Variants in DCC observed in about 807,000 individuals in gnomAD.
DCC encodes the protein DCC netrin 1 receptor.
In DCC, 58 loss-of-function variants were observed where a neutral mutation model predicts 172.5. The ratio of observed to expected loss-of-function variants is 0.34; its 90% CI spans 0.27 to 0.42. The LOEUF (loss-of-function observed/expected upper bound fraction) is 0.42, where lower values mean the gene tolerates loss of function less well. DCC is among the 10% of genes least tolerant of loss of function. The pLI, the probability that DCC is intolerant of heterozygous loss-of-function variation, is 1.00. For missense variants in DCC, 1,740 were observed against 1,791.0 expected (o/e 0.97, Z 0.51); for synonymous variants, 709 against 644.5 (o/e 1.10, Z -1.52).
chr18:52,905,656 CA>C (rs1965100114), intron 2 of DCC, among the ~76,000 whole-genome samples: 1 of 152,132 alleles, frequency 6.6e-6, no homozygotes, highest in African/African-American at 2.4e-5. Context: ...TCCATAGGAC[CA>C]GGATTCGGAA....
chr18:52,928,718 C>T (rs2040257014), intron 5 of DCC, among the ~76,000 whole-genome samples: 1 of 152,180 alleles, frequency 6.6e-6, no homozygotes, highest in Non-Finnish European at 1.5e-5. Flanking sequence ...ACCCTCTTGC[C>T]TTCTGTGCTT....
intron 5 of DCC, among the ~76,000 whole-genome samples, chr18:52,946,453 G>A (rs1372707222): frequency 6.6e-6 from 1 of 151,982 alleles, no homozygotes; most frequent in Non-Finnish European, 1.5e-5. Flanking sequence ...CTAAAACTTA[G>A]CAACTTAAAA....
chr18:53,262,207 T>C (rs1322315683), intron 12 of DCC, among the ~76,000 whole-genome samples: 1 of 152,180 alleles, frequency 6.6e-6, no homozygotes, highest in African/African-American at 2.4e-5. Context: ...TACACACTAC[T>C]CTATCCTTCT....
chr18:53,346,558 A>G lies in DCC; in HGVS notation c.2359+6651A>G, dbSNP rs185557744. 2.5e-4 allele frequency among the ~76,000 whole-genome samples: 38 copies of G among 152,122 alleles called. No individual in the cohort carries two copies. In the East Asian group the frequency reaches 7.2e-3, roughly 29 times the overall value. ...ACTGATAAATTCCTTCATTACCTCT[A>G]TCTCATTGTTAGGCTCATATGGTAA... On this transcript the variant is annotated intron_variant, in intron 15 of 28. Coordinates refer to ENST00000442544, the MANE Select transcript of DCC (RefSeq NM_005215.4).
chr18:52,971,500 TGTGTGTGC>T (rs1478366504), intron 5 of DCC, among the ~76,000 whole-genome samples: 1 of 151,566 alleles, frequency 6.6e-6, no homozygotes, highest in East Asian at 2.0e-4. Context: ...GGTGTGCGTG[TGTGTGTGC>T]GCGCACACAC....
chr18:52,721,110 C>T (rs1243714080), intron 1 of DCC, among the ~76,000 whole-genome samples: 1 of 152,132 alleles, frequency 6.6e-6, no homozygotes, highest in Admixed American at 6.5e-5. Context: ...GAGAGGTGGG[C>T]TGGGGCAGAG....
intron 2 of DCC, among the ~76,000 whole-genome samples, chr18:52,768,804 A>G (rs2037295065): frequency 6.6e-6 from 1 of 152,176 alleles, no homozygotes; most frequent in African/African-American, 2.4e-5. Flanking sequence ...TACCCTCTTT[A>G]TACCTTGAAA....
chr18:52,749,526 G>A (rs986883469), intron 1 of DCC, among the ~76,000 whole-genome samples: 1 of 152,176 alleles, frequency 6.6e-6, no homozygotes, highest in Admixed American at 6.5e-5. Context: ...GTTACTTAAA[G>A]CAGTGAGGTG....
At chr18:52,563,998 A>G (rs143236684) in intron 1 of DCC, among the ~76,000 whole-genome samples, 1 of 152,258 alleles carries the variant, frequency 6.6e-6, no homozygotes, top group African/African-American at 2.4e-5. Context: ...TAGCATTCCT[A>G]ATAGTAAAAA....
intron 21 of DCC, among the ~76,000 whole-genome samples, chr18:53,425,315 A>G (rs907288112): frequency 6.7e-6 from 1 of 150,206 alleles, no homozygotes; most frequent in African/African-American, 2.5e-5. Context: ...AACTCTTTGA[A>G]GTGCTCTAAT....
intron 15 of DCC, among the ~76,000 whole-genome samples, chr18:53,384,014 A>T (rs1281759104): frequency 6.6e-6 from 1 of 152,154 alleles, no homozygotes; most frequent in African/African-American, 2.4e-5. Flanking sequence ...ATAATATCAA[A>T]ACATTTAGCC....
intron 19 of DCC, among the ~76,000 whole-genome samples, chr18:53,410,199 G>GAA (rs1909898939): frequency 6.6e-6 from 1 of 152,096 alleles, no homozygotes; most frequent in Admixed American, 6.6e-5. Flanking sequence ...GTAGCAGAAA[G>GAA]CACACATTTT....
intron 22 of DCC, among the ~76,000 whole-genome samples, chr18:53,442,928 G>A (rs187916233): frequency 4.3e-4 from 65 of 152,332 alleles, no homozygotes; most frequent in Non-Finnish European, 7.3e-4. Context: ...AAGATTTATG[G>A]AGGTGAGAAG....
At position 53,052,460 on chromosome 18, in the gene DCC, T is replaced by C. The variant is rs557326159; in HGVS notation, c.986-10845T>C. On this transcript the variant is annotated intron_variant, in intron 5 of 28. Coordinates refer to ENST00000442544, the MANE Select transcript of DCC (RefSeq NM_005215.4). ...CTGTATTATGTTTCTATATTTACTATGCCTGTCTTTTATCTTGATCATGTG... is the reference window on the plus strand; with the variant it reads ...CTGTATTATGTTTCTATATTTACTACGCCTGTCTTTTATCTTGATCATGTG... Among the ~76,000 whole-genome samples the C allele has an allele frequency of 4.6e-5, 7 of 152,236 alleles. No individual in the cohort carries two copies. In the South Asian group the frequency reaches 8.3e-4, roughly 18 times the overall value.
chr18:53,278,946 C>T (rs1007768376), intron 12 of DCC, among the ~76,000 whole-genome samples: 3 of 152,134 alleles, frequency 2.0e-5, no homozygotes, highest in African/African-American at 7.2e-5. Context: ...ATGGCTGGGT[C>T]AAATGGTATT....
intron 12 of DCC, among the ~76,000 whole-genome samples, chr18:53,216,943 T>A (rs1485882556): frequency 6.6e-6 from 1 of 152,140 alleles, no homozygotes; most frequent in Non-Finnish European, 1.5e-5. Flanking sequence ...CAAGTAGATT[T>A]TTACAATTAT....
rs770140509 is a variant in DCC, at chr18:52,925,216, C to A, written c.849-18C>A. 1 of 1,610,322 alleles carries A rather than the reference C, an allele frequency of 6.2e-7. No individual in the cohort carries two copies. The highest frequency in any genetic ancestry group is 2.2e-5 in the East Asian group (1 of 44,776). On this transcript the variant is annotated intron_variant, in intron 4 of 28. Transcript: ENST00000442544. ...ATACATATGTTAATTTACTCTGCAC[C>A]TTCCCTATGTCTTGCAGGTCTAAAA...
intron 2 of DCC, among the ~76,000 whole-genome samples, chr18:52,898,853 C>T (rs1346543958): frequency 6.6e-6 from 1 of 152,204 alleles, no homozygotes; most frequent in Non-Finnish European, 1.5e-5. Flanking sequence ...TTGATGGCCA[C>T]AGCCATTGCC....
intron 1 of DCC, among the ~76,000 whole-genome samples, chr18:52,543,252 C>G (rs1568220890): frequency 6.6e-6 from 1 of 152,132 alleles, no homozygotes; most frequent in African/African-American, 2.4e-5. Flanking sequence ...GCATTAGTCT[C>G]CTATTCAACC....
Sources: allele counts gnomAD v4.1 joint callset (sites outside exome capture counted in the v4.1 genomes callset), GRCh38; gene constraint gnomAD v4.1.1; transcripts MANE v1.5; gene names NCBI Gene and HGNC (gene_info 2026-07-23, HGNC 2026-07-21).